Variants in SMAD1 observed in about 807,000 individuals in gnomAD.
SMAD1 encodes the protein MAD, mothers against decapentaplegic homolog 1.
A neutral mutation model predicts 41.6 loss-of-function variants in SMAD1; 6 were observed. The ratio of observed to expected loss-of-function variants is 0.14; its 90% CI spans 0.08 to 0.28. The LOEUF is 0.28. SMAD1 is among the 10% of genes least tolerant of loss of function. The pLI, the probability that SMAD1 is intolerant of heterozygous loss-of-function variation, is 1.00. For missense variants in SMAD1, 379 were observed against 582.6 expected, an observed-to-expected ratio of 0.65 and a Z score of 3.60; for synonymous variants, 206 against 203.2, an observed-to-expected ratio of 1.01 and a Z score of -0.12.
Position 145,553,868 on chromosome 4 carries a change from A to G in SMAD1, c.1082A>G (p.Asn361Ser), listed in dbSNP as rs1732691439. The G allele has an allele frequency of 6.2e-7, 1 of 1,614,164 alleles. No individual in the cohort carries two copies. The highest frequency in any genetic ancestry group is 8.5e-7 in the Non-Finnish European group (1 of 1,180,002). Residue 361 changes from asparagine to serine, a missense_variant, in exon 6 of 7, where the codon AAC becomes AGC. By Grantham distance (46) the Asn-to-Ser change is conservative. Coordinates refer to ENST00000302085, the MANE Select transcript of SMAD1 (RefSeq NM_005900.3). ...SSIFVQSRNC[N>S]YHHGFHPTTV... is the part of the protein sequence containing the mutation. ...ATCTTTGTGCAAAGTCGGAACTGCA[A>G]CTACCATCATGGATTTCATCCTACT... is the stretch of plus-strand genomic sequence containing the variant.
chr4:145,542,718 G>C lies in SMAD1; in HGVS notation c.775+20G>C. 2 of 1,505,162 alleles carry C rather than the reference G, an allele frequency of 1.3e-6. No individual in the cohort carries two copies. The highest frequency in any genetic ancestry group is 1.7e-4 in the Middle Eastern group (1 of 5,868). 93.2% of individuals were successfully genotyped at this position (1,505,162 alleles called of 1,614,324 possible). On this transcript the variant is annotated intron_variant, in intron 4 of 6. Transcript: ENST00000302085. ...GAGGAGGTAAAACTAATTGCTGCCT[G>C]TTCCCTTTTTTAGAGTCTAAAGTTT...
At chr4:145,483,844 G>T (rs982405401) in intron 1 of SMAD1, among the ~76,000 whole-genome samples, 1 of 152,182 alleles carries the variant, frequency 6.6e-6, no homozygotes, top group Admixed American at 6.5e-5. Context: ...CCATAGGTAT[G>T]TAACCAAATA....
chr4:145,511,099 G>A (rs1300846556), intron 1 of SMAD1, among the ~76,000 whole-genome samples: 2 of 151,952 alleles, frequency 1.3e-5, no homozygotes, highest in Non-Finnish European at 2.9e-5. Flanking sequence ...TATTTAATGT[G>A]TGTCTCTTTT....
rs763962403 is a variant in SMAD1 at position 145,553,952 on chromosome 4, C to G, written c.1166C>G (p.Ala389Gly). 1 of 1,613,980 alleles carries G rather than the reference C, an allele frequency of 6.2e-7. No homozygotes were observed. The highest frequency in any genetic ancestry group is 1.1e-5 in the South Asian group (1 of 91,072). ...SLKIFNNQEFAQLLAQSVNHG... is the reference protein window; with the variant it reads ...SLKIFNNQEFGQLLAQSVNHG... The stretch of plus-strand genomic sequence containing the variant: ...AAAATTTTTAACAACCAAGAATTTG[C>G]TCAGTTATTGGCACAGTCTGTGAAC... Residue 389 changes from alanine (A) to glycine (G), a missense_variant, in exon 6 of 7, where the codon GCT (alanine) becomes GGT (glycine). By Grantham distance (60) the Ala-to-Gly change is moderately conservative. Transcript: ENST00000302085.
At chr4:145,556,050 C>G (rs1189697903) in intron 6 of SMAD1, among the ~76,000 whole-genome samples, 1 of 152,196 alleles carries the variant, frequency 6.6e-6, no homozygotes, top group African/African-American at 2.4e-5. Context: ...ATACTTTGTC[C>G]TCTCCCATTC....
intron 1 of SMAD1, among the ~76,000 whole-genome samples, chr4:145,503,444 G>A (rs952123207): frequency 2.6e-5 from 4 of 152,068 alleles, no homozygotes; most frequent in Non-Finnish European, 5.9e-5. Context: ...TAAAGAGCAA[G>A]GTTTTATCCA....
At chr4:145,518,871 G>C (rs1284800964) in intron 2 of SMAD1, among the ~76,000 whole-genome samples, 1 of 125,188 alleles carries the variant, frequency 8.0e-6, no homozygotes. Context: ...GAACTTGTTA[G>C]AAAAGCTAAT....
chr4:145,538,747 G>C (rs3943707), intron 2 of SMAD1, among the ~76,000 whole-genome samples: 1 of 152,034 alleles, frequency 6.6e-6, no homozygotes, highest in South Asian at 2.1e-4. Flanking sequence ...TATGAAACGG[G>C]CTGCTTTTCT....
chr4:145,544,688 A>T (rs536083052), intron 4 of SMAD1: 1 of 151,870 alleles, frequency 6.6e-6, no homozygotes, highest in African/African-American at 2.4e-5. Flanking sequence ...ATGATTTTTT[A>T]AATCTTTTTT....
intron 4 of SMAD1, chr4:145,544,287 CTG>C (rs1196224452): frequency 1.3e-5 from 2 of 152,032 alleles, no homozygotes; most frequent in African/African-American, 4.8e-5. Context: ...GATTTAAAAA[CTG>C]GTGATGAAGG....
chr4:145,553,753 T>TC (rs1732685664), intron 5 of SMAD1, 31 bp from the exon 6 acceptor site: 1 of 1,599,708 alleles, frequency 6.3e-7, no homozygotes, highest in Admixed American at 1.7e-5. Context: ...AAATTAATAA[T>TC]AACTAAATGG....
chr4:145,501,490 A>G (rs1397096981), intron 1 of SMAD1, among the ~76,000 whole-genome samples: 1 of 152,206 alleles, frequency 6.6e-6, no homozygotes, highest in Non-Finnish European at 1.5e-5. Flanking sequence ...TGAAGGATCT[A>G]AATATAGGAA....
In SMAD1 at chr4:145,487,026, G is replaced by A. The variant is rs528361902; in HGVS notation, c.-177+4988G>A. On this transcript the variant is annotated intron_variant, in intron 1 of 6. Coordinates refer to ENST00000302085, the MANE Select transcript of SMAD1 (RefSeq NM_005900.3). ...TTATACCTAACATTGTTTGAGCTAA[G>A]TAGGAATCAAATCTGACAACCAGAG... is the stretch of plus-strand genomic sequence containing the variant. Among the ~76,000 whole-genome samples the A allele has an allele frequency of 4.6e-5, 7 of 152,262 alleles. No homozygotes were observed. The South Asian group carries it at 1.5e-3, about 32-fold the overall frequency.
At chr4:145,502,118 A>G (rs928262440) in intron 1 of SMAD1, among the ~76,000 whole-genome samples, 2 of 152,206 alleles carry the variant, frequency 1.3e-5, no homozygotes, top group African/African-American at 2.4e-5. Flanking sequence ...CTCCTGGGAT[A>G]GTCAATAAAA....
chr4:145,556,732 C>T (rs1436244883), intron 6 of SMAD1, among the ~76,000 whole-genome samples: 34 of 152,128 alleles, frequency 2.2e-4, no homozygotes, highest in South Asian at 2.1e-4. Context: ...TCTCTGTCAC[C>T]GACGCCAGAG....
At chr4:145,487,314 T>G (rs1455898546) in intron 1 of SMAD1, among the ~76,000 whole-genome samples, 1 of 152,080 alleles carries the variant, frequency 6.6e-6, no homozygotes, top group Non-Finnish European at 1.5e-5. Flanking sequence ...AGGGAGAGAA[T>G]TGGACAGGTC....
chr4:145,500,934 A>G (rs529465766), intron 1 of SMAD1, among the ~76,000 whole-genome samples: 4 of 152,330 alleles, frequency 2.6e-5, no homozygotes, highest in Admixed American at 2.6e-4. Flanking sequence ...TGGTATCACA[A>G]TTTTGTGGAA....
intron 3 of SMAD1, among the ~76,000 whole-genome samples, chr4:145,540,816 C>A (rs182232124): frequency 6.6e-6 from 1 of 150,796 alleles, no homozygotes. Flanking sequence ...TACTTAACAT[C>A]TATTAATGTT....
intron 1 of SMAD1, among the ~76,000 whole-genome samples, chr4:145,493,961 GTATT>G (rs1037854829): frequency 1.3e-5 from 2 of 152,040 alleles, no homozygotes; most frequent in Non-Finnish European, 2.9e-5. Context: ...ACTTTATTCT[GTATT>G]TATTAATTTT....
Sources: gnomAD v4.1 joint callset for allele counts (sites outside exome capture counted in the v4.1 genomes callset) on GRCh38, gnomAD v4.1.1 for gene constraint, MANE v1.5 for transcripts, NCBI Gene and HGNC (gene_info 2026-07-23, HGNC 2026-07-21) for gene names.